The following C2CD2 variants were observed in gnomAD, a reference collection of about 807,000 sequenced individuals.
C2CD2 encodes C2 calcium dependent domain containing 2, also known as C2 domain-containing protein 2.
A neutral mutation model predicts 74.3 loss-of-function variants in C2CD2; 43 were observed. That is an observed-to-expected ratio of 0.58 (90% CI 0.45 to 0.75). The LOEUF (loss-of-function observed/expected upper bound fraction) is 0.75, where lower values mean the gene tolerates loss of function less well. C2CD2 is among the 30% of genes least tolerant of loss of function. C2CD2 has a pLI of 0.00. For synonymous variants in C2CD2, 422 were observed against 390.7 expected (o/e 1.08, Z -0.94); for missense variants, 801 against 916.3 (o/e 0.87, Z 1.63).
chr21:41,893,753 G>C (rs2064787150), intron 13 of C2CD2, among the ~76,000 whole-genome samples: 1 of 148,518 alleles, frequency 6.7e-6, no homozygotes, highest in South Asian at 2.1e-4. Context: ...CCAGGCTGGA[G>C]TGCAGTGGTG....
At position 41,930,468 on chromosome 21, in the gene C2CD2, C is replaced by T. The variant is rs192931475; in HGVS notation, c.379-8383G>A. 7.3e-5 allele frequency among the ~76,000 whole-genome samples: 11 copies of T among 150,096 alleles called. No homozygotes were observed. The East Asian group carries it at 1.4e-3, about 19-fold the overall frequency. ...CTGTTATCCTAGCACTTTGGGAAGC[C>T]GAGGTGGGCGGATCAAGAGGTCAGG... On this transcript the variant is annotated intron_variant, in intron 2 of 13. Coordinates refer to ENST00000380486, the MANE Select transcript of C2CD2 (RefSeq NM_015500.2).
At position 41,922,121 on chromosome 21, in the gene C2CD2, C is replaced by A. The variant is rs755992746; in HGVS notation, c.379-36G>T. 1.8e-5 allele frequency: 23 copies of A among 1,273,746 alleles called. No individual in the cohort carries two copies. In the East Asian group the frequency reaches 5.1e-4, roughly 28 times the overall value. 78.9% of individuals were successfully genotyped at this position (1,273,746 alleles called of 1,614,324 possible). On this transcript the variant is annotated intron_variant, in intron 2 of 13. Coordinates refer to ENST00000380486, the MANE Select transcript of C2CD2 (RefSeq NM_015500.2). Reference sequence around the variant, plus strand: ...CACAGGTAAGGGAGAAAACTGTATCCAAAACAAAGGACAGCGCGTGCATAC... The same window carrying A: ...CACAGGTAAGGGAGAAAACTGTATCAAAAACAAAGGACAGCGCGTGCATAC...
intron 1 of C2CD2, among the ~76,000 whole-genome samples, chr21:41,952,358 G>A (rs889593620): frequency 1.3e-5 from 2 of 152,170 alleles, no homozygotes; most frequent in African/African-American, 2.4e-5. Context: ...CACAGGGCCC[G>A]CCATGGAATA....
At position 41,901,614 on chromosome 21, in the gene C2CD2, G is replaced by A. The variant is rs751869178; in HGVS notation, c.1560+8C>T. The A allele has an allele frequency of 2.7e-5, 43 of 1,614,116 alleles. No individual in the cohort carries two copies. Among genetic ancestry groups the A allele is most frequent in the East Asian group, 1.8e-4 (8 of 44,882 alleles). On this transcript the variant is annotated splice_region_variant and intron_variant, in intron 12 of 13. Coordinates refer to ENST00000380486, the MANE Select transcript of C2CD2 (RefSeq NM_015500.2). ...AGATGAACACCTCCCCAGCCACCAC[G>A]ATGGTACCTTGGAGATCCCTGATAT...
chr21:41,946,806 T>C (rs1295407290), intron 1 of C2CD2, among the ~76,000 whole-genome samples: 3 of 152,162 alleles, frequency 2.0e-5, no homozygotes, highest in Admixed American at 6.5e-5. Context: ...ACACCACTTC[T>C]GTGGTTTGTG....
intron 2 of C2CD2, among the ~76,000 whole-genome samples, chr21:41,937,581 A>G (rs910313628): frequency 1.2e-4 from 19 of 152,220 alleles, no homozygotes; most frequent in African/African-American, 4.6e-4. Flanking sequence ...TTGATGGCAC[A>G]AGGGGTCAGT....
rs2064918032 is a variant in C2CD2, at chr21:41,903,035, T to C, written c.1433-1286A>G. The stretch of plus-strand genomic sequence containing the variant: ...AATAAGTGAATCAATCATGCCTACA[T>C]ACCTACTTATAGAAGCACCATAAAC... On this transcript the variant is annotated intron_variant, in intron 11 of 13. Coordinates refer to ENST00000380486, the MANE Select transcript of C2CD2 (RefSeq NM_015500.2). This position sits in a 1 kb window ranked among gnomAD's most constrained non-coding sequence, Gnocchi z 4.5. Among the ~76,000 whole-genome samples the C allele has an allele frequency of 6.6e-6, 1 of 152,118 alleles. No individual in the cohort carries two copies. Among genetic ancestry groups the C allele is most frequent in the African/African-American group, 2.4e-5 (1 of 41,426 alleles).
intron 5 of C2CD2, among the ~76,000 whole-genome samples, chr21:41,916,540 C>T (rs567017232): frequency 2.6e-5 from 4 of 152,032 alleles, no homozygotes; most frequent in Admixed American, 1.3e-4. Flanking sequence ...ATGTACGTCA[C>T]GGGCTCTTTT....
At chr21:41,940,681 T>C (rs1396014018) in intron 2 of C2CD2, among the ~76,000 whole-genome samples, 1 of 152,262 alleles carries the variant, frequency 6.6e-6, no homozygotes, top group African/African-American at 2.4e-5. Context: ...GGAACTTCAT[T>C]ATAGATGATG....
intron 7 of C2CD2, among the ~76,000 whole-genome samples, chr21:41,909,930 G>C (rs2065006842): frequency 6.6e-6 from 1 of 150,504 alleles, no homozygotes; most frequent in Admixed American, 6.6e-5. Flanking sequence ...ATGACCTAAA[G>C]ACAAAATACG....
At chr21:41,915,729 C>G in intron 5 of C2CD2, among the ~76,000 whole-genome samples, 1 of 152,348 alleles carries the variant, frequency 6.6e-6, no homozygotes, top group East Asian at 1.9e-4. Context: ...CATGAGCCAC[C>G]ACGCCTGGCC....
chr21:41,914,541 C>T lies in C2CD2; in HGVS notation c.844+57G>A, dbSNP rs2065065850. ...ATCCAAGGCCCCCCGGAGCCCCCGA[C>T]TCTGCTCAGGGGCTGGAAGAGCCCC... On this transcript the variant is annotated intron_variant, in intron 6 of 13. Transcript: ENST00000380486. The T allele has an allele frequency of 4.5e-6, 7 of 1,545,398 alleles. No individual in the cohort carries two copies. The East Asian group carries it at 1.6e-4, about 36-fold the overall frequency.
chr21:41,931,491 C>T (rs1275098919), intron 2 of C2CD2, among the ~76,000 whole-genome samples: 2 of 145,382 alleles, frequency 1.4e-5, no homozygotes, highest in Non-Finnish European at 3.0e-5. Context: ...GGCGCAATCT[C>T]GGCTCACTGC....
In C2CD2 at chr21:41,945,309, G is replaced by A. The variant is rs953765513; in HGVS notation, c.280-3064C>T. Among the ~76,000 whole-genome samples the A allele has an allele frequency of 7.9e-5, 12 of 152,122 alleles. No individual in the cohort carries two copies. The highest frequency in any genetic ancestry group is 1.8e-4 in the Non-Finnish European group (12 of 68,024). On this transcript the variant is annotated intron_variant, in intron 1 of 13. Transcript: ENST00000380486. This position sits in a 1 kb window ranked among gnomAD's most constrained non-coding sequence, Gnocchi z 4.2. Reference sequence around the variant, plus strand: ...TGCGCACACACGTTGGTATACACACGTATGTTTGCTATTGCTGAACACTGA... The same window carrying A: ...TGCGCACACACGTTGGTATACACACATATGTTTGCTATTGCTGAACACTGA...
intron 8 of C2CD2, chr21:41,908,022 G>GAGTGGAAAGGT: frequency 1.9e-6 from 1 of 517,604 alleles, no homozygotes; most frequent in Non-Finnish European, 3.5e-6. Flanking sequence ...GCAATGTCCG[G>GAGTGGAAAGGT]CCCTGTGCCG....
intron 5 of C2CD2, 80 bp from the exon 6 acceptor site, chr21:41,914,801 A>T: frequency 7.7e-7 from 1 of 1,292,392 alleles, no homozygotes; most frequent in South Asian, 1.4e-5. Context: ...GACTCCTGTT[A>T]TGGGGGGTGG....
chr21:41,918,820 C>A (rs375135808), intron 4 of C2CD2, 36 bp downstream of exon 4: 14 of 1,511,772 alleles, frequency 9.3e-6, no homozygotes, highest in Non-Finnish European at 1.3e-5. Context: ...TGCGTTCTCA[C>A]GCCAATGGAA....
At chr21:41,905,196 C>T (rs561410279) in intron 11 of C2CD2, among the ~76,000 whole-genome samples, 1 of 152,210 alleles carries the variant, frequency 6.6e-6, no homozygotes, top group South Asian at 2.1e-4. Context: ...TTAAAGCATT[C>T]CCTAAAATGT....
intron 5 of C2CD2, among the ~76,000 whole-genome samples, chr21:41,917,157 T>C (rs147050597): frequency 6.6e-6 from 1 of 152,212 alleles, no homozygotes; most frequent in African/African-American, 2.4e-5. Flanking sequence ...TGCTTCCTTA[T>C]ACTCTTGTGA....
Sources: gnomAD v4.1 joint callset for allele counts (sites outside exome capture counted in the v4.1 genomes callset) on GRCh38, gnomAD v4.1.1 for gene constraint, Gnocchi (gnomAD v3.1) non-coding constraint, MANE v1.5 for transcripts, NCBI Gene and HGNC (gene_info 2026-07-23, HGNC 2026-07-21) for gene names.